The following DSG1 variants were observed in gnomAD, a reference collection of about 807,000 sequenced individuals.
DSG1 encodes desmoglein 1, also known as desmoglein-1.
DSG1 carries 39 observed loss-of-function variants against 97.5 expected under a neutral mutation model. The ratio of observed to expected loss-of-function variants is 0.40; its 90% CI spans 0.31 to 0.52. DSG1 has a LOEUF of 0.52. DSG1 is among the 20% of genes least tolerant of loss of function. The probability of loss-of-function intolerance (pLI) is 0.53; values close to 1 mark genes in which losing one functional copy is unlikely to be tolerated. For synonymous variants in DSG1, 475 were observed against 443.4 expected, an observed-to-expected ratio of 1.07 and a Z score of -0.90; for missense variants, 1,311 against 1,295.4, an observed-to-expected ratio of 1.01 and a Z score of -0.18.
At position 31,330,015 on chromosome 18, in the gene DSG1, A is replaced by T; in HGVS notation, c.496A>T (p.Ile166Leu). The T allele has an allele frequency of 6.2e-7, 1 of 1,613,188 alleles. No individual in the cohort carries two copies. The highest frequency in any genetic ancestry group is 8.5e-7 in the Non-Finnish European group (1 of 1,179,270). ...TTCAATGGCTACATTTGCAGGACAAATAGAAGAAAATTCTAATGCAAGTAA... is the reference window on the plus strand; with the variant it reads ...TTCAATGGCTACATTTGCAGGACAATTAGAAGAAAATTCTAATGCAAGTAA... ...VFSMATFAGQ[I>L]EENSNANTLV... is the part of the protein sequence containing the mutation. The change falls in exon 5 of 15, where the codon ATA becomes TTA. Residue 166 changes from isoleucine to leucine, a missense_variant. Ile to Leu is a conservative substitution (Grantham distance 5, BLOSUM62 2). Transcript: ENST00000257192.
chr18:31,338,214 A>G, intron 9 of DSG1, 101 bp from the exon 10 acceptor site: 5 of 1,253,766 alleles, frequency 4.0e-6, no homozygotes, highest in East Asian at 5.1e-5. Flanking sequence ...AACTGTATCT[A>G]GGGATTATAA....
intron 9 of DSG1, 67 bp from the exon 10 acceptor site, chr18:31,338,248 A>AT: frequency 1.3e-6 from 2 of 1,495,872 alleles, no homozygotes; most frequent in Non-Finnish European, 1.8e-6. Flanking sequence ...AAAACAATAC[A>AT]TTTTAAATTA....
rs145081747 is a variant in DSG1 at position 31,331,838 on chromosome 18, C to G, written c.655C>G (p.Arg219Gly). 9 of 1,612,392 alleles carry G rather than the reference C, an allele frequency of 5.6e-6. No homozygotes were observed. The highest frequency in any genetic ancestry group is 7.6e-6 in the Non-Finnish European group (9 of 1,178,874). ...TATCAACAGAAATACTGGAGAAATT[C>G]GAACGATGAATAATTTTCTAGACAG... Reference protein sequence around the residue: ...FIINRNTGEIRTMNNFLDREQ... With the variant: ...FIINRNTGEIGTMNNFLDREQ... The change falls in exon 6 of 15, where the codon CGA (arginine) becomes GGA (glycine). Residue 219 changes from arginine (R) to glycine (G), a missense_variant. This residue lies in a region of DSG1 where 259 missense variants were observed against 304.1 expected (regional missense o/e 0.85). Coordinates refer to ENST00000257192, the MANE Select transcript of DSG1 (RefSeq NM_001942.4).
chr18:31,339,201 T>G (rs1260476959), intron 10 of DSG1, among the ~76,000 whole-genome samples: 3 of 152,084 alleles, frequency 2.0e-5, no homozygotes, highest in Non-Finnish European at 4.4e-5. Flanking sequence ...TAAACCATGG[T>G]CCATTTGATA....
chr18:31,338,631 A>G (rs1437488047), intron 10 of DSG1, among the ~76,000 whole-genome samples, 177 bp downstream of exon 10: 1 of 152,194 alleles, frequency 6.6e-6, no homozygotes, highest in African/African-American at 2.4e-5. Context: ...AGCTAAGACC[A>G]TGAGTCCTGA....
intron 6 of DSG1, among the ~76,000 whole-genome samples, chr18:31,332,313 C>T (rs1163559036): frequency 6.6e-6 from 1 of 152,108 alleles, no homozygotes; most frequent in African/African-American, 2.4e-5. Context: ...TTTAACCTAG[C>T]ATATCTAAGC....
rs773430496 is a variant in DSG1 at position 31,354,415 on chromosome 18, G to A, written c.2219G>A (p.Gly740Glu). ...TCTGTGGGTTGTTGTAGCTTCATTG[G>A]AGAAGACCTGGATGACAGCTTCTTG... Reference protein sequence around the residue: ...AGSVGCCSFIGEDLDDSFLDT... With the variant: ...AGSVGCCSFIEEDLDDSFLDT... The change falls in exon 15 of 15, where the codon GGA (glycine) becomes GAA (glutamate). Residue 740 changes from glycine (G) to glutamate (E), a missense_variant. Physicochemically the swap from Gly to Glu is moderately conservative, Grantham distance 98 (BLOSUM62 -2). Transcript: ENST00000257192. 1 of 1,614,190 alleles carries A rather than the reference G, an allele frequency of 6.2e-7. No individual in the cohort carries two copies. Among genetic ancestry groups the A allele is most frequent in the Non-Finnish European group, 8.5e-7 (1 of 1,180,032 alleles).
At position 31,343,548 on chromosome 18, in the gene DSG1, T is replaced by C; in HGVS notation, c.1786T>C (p.Ser596Pro). Residue 596 changes from serine (S) to proline (P), a missense_variant, in exon 12 of 15, where the codon TCA (serine) becomes CCA (proline). By Grantham distance (74) the Ser-to-Pro change is moderately conservative. Transcript: ENST00000257192. ...CGAATGTTCAGATGGAGCAATTCAT[T>C]CATGGGCAGTAGAAGGACCACAGCC... is the stretch of plus-strand genomic sequence containing the variant. ...VPECSDGAIH[S>P]WAVEGPQPEP... 6.2e-7 allele frequency: 1 copy of C among 1,614,156 alleles called. No homozygotes were observed. Among genetic ancestry groups the C allele is most frequent in the African/African-American group, 1.3e-5 (1 of 75,028 alleles).
chr18:31,330,050 T>C lies in DSG1; in HGVS notation c.517+14T>C. ...ATTCTAATGCAAGTAAGTAATGTAG[T>C]GGCTTCCAAATCACTCCTAACAGCC... On this transcript the variant is annotated intron_variant, in intron 5 of 14. Coordinates refer to ENST00000257192, the MANE Select transcript of DSG1 (RefSeq NM_001942.4). 6.2e-7 allele frequency: 1 copy of C among 1,612,518 alleles called. No individual in the cohort carries two copies. Among genetic ancestry groups the C allele is most frequent in the East Asian group, 2.2e-5 (1 of 44,840 alleles).
Position 31,354,473 on chromosome 18 carries a change from A to G in DSG1, c.2277A>G (p.Ala759=), listed in dbSNP as rs2071933742. 6.2e-7 allele frequency: 1 copy of G among 1,614,196 alleles called. No individual in the cohort carries two copies. Among genetic ancestry groups the G allele is most frequent in the South Asian group, 1.1e-5 (1 of 91,082 alleles). The change falls in exon 15 of 15, where the codon GCA becomes GCG. Residue 759 remains alanine (A), a synonymous_variant. Transcript: ENST00000257192. ...TGGGACCTAAATTTAAGAAGTTGGC[A>G]GACATCAGCCTAGGAAAAGAATCAT... ...DTLGPKFKKL[A]DISLGKESYP...
At chr18:31,354,248 G>T (rs777373648) in intron 14 of DSG1, 49 bp from the exon 15 acceptor site, 1 of 1,512,458 alleles carries the variant, frequency 6.6e-7, no homozygotes, top group South Asian at 1.1e-5. Context: ...TTCTATTATT[G>T]TTAAATATGC....
Position 31,322,758 on chromosome 18 carries a change from G to A in DSG1, c.49-3823G>A, listed in dbSNP as rs542222808. Among the ~76,000 whole-genome samples the A allele has an allele frequency of 4.0e-3, 611 of 152,218 alleles. 4 individuals carry two copies. Among genetic ancestry groups the A allele is most frequent in the African/African-American group, 0.014 (594 of 41,536 alleles). ...CGTAACAATTATGTTAGAATTCAAC[G>A]CTTAGCAAAAAGTGACTTGGAAGAC... is the stretch of plus-strand genomic sequence containing the variant. On this transcript the variant is annotated intron_variant, in intron 1 of 14. Coordinates refer to ENST00000257192, the MANE Select transcript of DSG1 (RefSeq NM_001942.4).
rs2071948789 is a variant in DSG1, at chr18:31,355,437, C to A, written c.*91C>A. On this transcript the variant is annotated 3_prime_UTR_variant, in exon 15 of 15. Coordinates refer to ENST00000257192, the MANE Select transcript of DSG1 (RefSeq NM_001942.4). ...CAACAATGTGATTTATAACGCACAACTTCGTGCTCAGGTCATCTAGGAGCA... is the reference window on the plus strand; with the variant it reads ...CAACAATGTGATTTATAACGCACAAATTCGTGCTCAGGTCATCTAGGAGCA... The A allele has an allele frequency of 3.8e-6, 5 of 1,321,960 alleles. No homozygotes were observed. Among genetic ancestry groups the A allele is most frequent in the South Asian group, 3.7e-5 (3 of 80,626 alleles). 81.9% of individuals were successfully genotyped at this position (1,321,960 alleles called of 1,614,324 possible).
At chr18:31,353,304 A>G (rs1278916698) in intron 14 of DSG1, among the ~76,000 whole-genome samples, 1 of 151,646 alleles carries the variant, frequency 6.6e-6, no homozygotes, top group East Asian at 1.9e-4. Flanking sequence ...TCAGGGACCC[A>G]CTTGAGGAGG....
Position 31,342,515 on chromosome 18 carries a change from T to A in DSG1, c.1688-935T>A, listed in dbSNP as rs559088799. On this transcript the variant is annotated intron_variant, in intron 11 of 14. Transcript: ENST00000257192. Reference sequence around the variant, plus strand: ...TTTAATTTACACATTCTTTCTTTCATCCATTTATTCAAAACCATTTACCAA... The same window carrying A: ...TTTAATTTACACATTCTTTCTTTCAACCATTTATTCAAAACCATTTACCAA... 3.9e-5 allele frequency among the ~76,000 whole-genome samples: 6 copies of A among 152,286 alleles called. No individual in the cohort carries two copies. The South Asian group carries it at 1.2e-3, about 32-fold the overall frequency.
rs187363411 is a variant in DSG1 at position 31,334,788 on chromosome 18, C to T, written c.1005+586C>T. Among the ~76,000 whole-genome samples the T allele has an allele frequency of 2.5e-3, 382 of 152,206 alleles. 1 individual carries two copies. Among genetic ancestry groups the T allele is most frequent in the Non-Finnish European group, 4.5e-3 (307 of 68,004 alleles). On this transcript the variant is annotated intron_variant, in intron 8 of 14. Coordinates refer to ENST00000257192, the MANE Select transcript of DSG1 (RefSeq NM_001942.4). ...TCAACCGGTCCAGAACAACTGGATG[C>T]CGTTCTCTTATGTCCTCCCCATATT...
chr18:31,323,387 C>T (rs1036279398), intron 1 of DSG1, among the ~76,000 whole-genome samples: 1 of 152,206 alleles, frequency 6.6e-6, no homozygotes, highest in African/African-American at 2.4e-5. Context: ...ATCCACCTCA[C>T]CCTTACTCCA....
At position 31,336,267 on chromosome 18, in the gene DSG1, G is replaced by T. The variant is rs943816276; in HGVS notation, c.1006-87G>T. The T allele has an allele frequency of 1.3e-5, 16 of 1,198,526 alleles. No homozygotes were observed. In the African/African-American group the frequency reaches 1.9e-4, roughly 14 times the overall value. 74.2% of individuals were successfully genotyped at this position (1,198,526 alleles called of 1,614,324 possible). A position where few individuals can be genotyped will look rare whatever the true frequency, so the allele number is the denominator to read the frequency against. ...GTGTTTCATAAAAGAAAGATAATAA[G>T]TTTTTTTTGCTATTATCAAAGGATT... On this transcript the variant is annotated intron_variant, in intron 8 of 14. Transcript: ENST00000257192.
chr18:31,333,609 T>C lies in DSG1; in HGVS notation c.705T>C (p.Leu235=), dbSNP rs2071733707. 1.9e-6 allele frequency: 3 copies of C among 1,613,834 alleles called. No individual in the cohort carries two copies. Among genetic ancestry groups the C allele is most frequent in the African/African-American group, 2.7e-5 (2 of 74,926 alleles). The part of the protein sequence containing the change: ...LDREQYGQYA[L]AVRGSDRDGG... Reference sequence around the variant, plus strand: ...TTTAGCAATACGGCCAGTATGCTCTTGCTGTAAGAGGCTCTGACCGAGATG... The same window carrying C: ...TTTAGCAATACGGCCAGTATGCTCTCGCTGTAAGAGGCTCTGACCGAGATG... Residue 235 remains leucine, a synonymous_variant, in exon 7 of 15, where the codon CTT becomes CTC. Coordinates refer to ENST00000257192, the MANE Select transcript of DSG1 (RefSeq NM_001942.4).
Sources: allele counts gnomAD v4.1 joint callset (sites outside exome capture counted in the v4.1 genomes callset), GRCh38; gene constraint gnomAD v4.1.1; regional missense constraint gnomAD v4.1.1; transcripts MANE v1.5; gene names NCBI Gene and HGNC (gene_info 2026-07-23, HGNC 2026-07-21).